Variants in TTN observed in about 807,000 individuals in gnomAD.
TTN encodes connectin.
Under a neutral mutation model 3,223.0 loss-of-function variants are expected in TTN, and 1,525 were observed. The observed-to-expected ratio is 0.47, with a 90% CI of 0.45 to 0.49. TTN has a LOEUF of 0.49. TTN is among the 20% of genes least tolerant of loss of function. TTN has a pLI of 0.00. For synonymous variants in TTN, 14,094 were observed against 15,161.0 expected (o/e 0.93, Z 5.17); for missense variants, 40,786 against 43,424.0 (o/e 0.94, Z 5.40).
Position 178,729,145 on chromosome 2 carries a change from A to T in TTN, c.18893T>A (p.Ile6298Lys). The T allele has an allele frequency of 6.9e-6, 11 of 1,590,620 alleles. No individual in the cohort carries two copies. The highest frequency in any genetic ancestry group is 9.4e-6 in the Non-Finnish European group (11 of 1,168,934). ...TTTCAAAACAGTAGTGGTATTTTCT[A>T]TCTTCTTAATGAATGATGGTGGTTC... ...LKEPPSFIKKIENTTTVLKSS... is the reference protein window; with the variant it reads ...LKEPPSFIKKKENTTTVLKSS... The change falls in exon 65 of 363, where the codon ATA (isoleucine) becomes AAA (lysine). Residue 6298 changes from isoleucine (I) to lysine (K), a missense_variant. By Grantham distance (102) the Ile-to-Lys change is moderately radical. Coordinates refer to ENST00000589042, the MANE Select transcript of TTN (RefSeq NM_001267550.2).
chr2:178,571,377 G>A lies in TTN; in HGVS notation c.74755C>T (p.Leu24919=). The A allele has an allele frequency of 6.2e-7, 1 of 1,613,398 alleles. No homozygotes were observed. The highest frequency in any genetic ancestry group is 8.5e-7 in the Non-Finnish European group (1 of 1,179,566). Reference sequence around the variant, plus strand: ...ACTTCCATGCTGTCCCTGGAGGACAGTGTGACAACTGGAGTGCCAGGAGGA... The same window carrying A: ...ACTTCCATGCTGTCCCTGGAGGACAATGTGACAACTGGAGTGCCAGGAGGA... The part of the protein sequence containing the change: ...PGPPGTPVVT[L]SSRDSMEVQW... The change falls in exon 326 of 363, where the codon CTG becomes TTG. Residue 24919 remains leucine (L), a synonymous_variant. Coordinates refer to ENST00000589042, the MANE Select transcript of TTN (RefSeq NM_001267550.2).
At chr2:178,538,211 T>C (rs1692550780) in intron 354 of TTN, 1 of 470,964 alleles carries the variant, frequency 2.1e-6, no homozygotes, top group Admixed American at 3.8e-5. Context: ...AATTCTGTAG[T>C]ATTCTTGCCC....
At position 178,576,407 on chromosome 2, in the gene TTN, C is replaced by T. The variant is rs1292885710; in HGVS notation, c.69725G>A (p.Gly23242Glu). ...AGTGACATGCGGATTTGAAGGTGGT[C>T]CTGGAGGATCTGAGAAAGAAACAAA... ...VLMKDAAYPP[G>E]PPSNPHVTDT... The change falls in exon 326 of 363, where the codon GGA becomes GAA. Residue 23242 changes from glycine to glutamate, a missense_variant. Coordinates refer to ENST00000589042, the MANE Select transcript of TTN (RefSeq NM_001267550.2). The surrounding 1 kb of genome is among the most constrained non-coding windows in gnomAD (Gnocchi z 4.3). The T allele has an allele frequency of 1.3e-6, 2 of 1,573,154 alleles. No individual in the cohort carries two copies. The highest frequency in any genetic ancestry group is 8.6e-7 in the Non-Finnish European group (1 of 1,167,038).
At chr2:178,631,497 T>A (rs2059796085) in intron 236 of TTN, among the ~76,000 whole-genome samples, 197 bp from the exon 237 acceptor site, 1 of 152,096 alleles carries the variant, frequency 6.6e-6, no homozygotes, top group South Asian at 2.1e-4. Flanking sequence ...TTTATCAAGA[T>A]CTAATCCATT....
At chr2:178,585,446 A>AT (rs1024974970) in intron 308 of TTN, 99 bp from the exon 309 acceptor site, 430 of 1,286,640 alleles carry the variant, frequency 3.3e-4, no homozygotes, top group African/African-American at 8.1e-4. Context: ...ATTACCACCA[A>AT]TTTTTTTTAA....
chr2:178,585,465 T>C, intron 308 of TTN, 118 bp from the exon 309 acceptor site: 1 of 1,125,560 alleles, frequency 8.9e-7, no homozygotes, highest in Admixed American at 2.7e-5. Context: ...AATATATACT[T>C]TAAGTTCTGG....
chr2:178,729,978 A>G (rs777075075), intron 62 of TTN, 33 bp from the exon 63 acceptor site: 7 of 1,600,688 alleles, frequency 4.4e-6, no homozygotes, highest in Non-Finnish European at 5.1e-6. Context: ...GATGTTGAAT[A>G]TTTTTAAAAA....
chr2:178,669,063 A>C (rs1372481356), intron 159 of TTN, among the ~76,000 whole-genome samples: 8 of 152,154 alleles, frequency 5.3e-5, no homozygotes, highest in Non-Finnish European at 1.2e-4. Context: ...TTACTTCATG[A>C]TCTGAGAAAA....
At chr2:178,802,115 T>C (rs370089010) in intron 3 of TTN, 23 bp downstream of exon 3, 6 of 1,613,704 alleles carry the variant, frequency 3.7e-6, no homozygotes, top group Non-Finnish European at 5.1e-6. Context: ...GAGCAGAGGA[T>C]TGGCAGGTCC....
chr2:178,751,099 C>G, intron 47 of TTN: 1 of 1,612,862 alleles, frequency 6.2e-7, no homozygotes, highest in Non-Finnish European at 8.5e-7. Context: ...GCACAATACT[C>G]TCAGCTGAAT....
rs772189154 is a variant in TTN, at chr2:178,529,954, A to C, written c.106531+6T>G. The C allele has an allele frequency of 6.3e-7, 1 of 1,585,058 alleles. No individual in the cohort carries two copies. The highest frequency in any genetic ancestry group is 8.5e-7 in the Non-Finnish European group (1 of 1,172,908). The stretch of plus-strand genomic sequence containing the variant: ...GAAATGTGGGTAAAAACAAAAGCCA[A>C]CCTACCTTTTATTGTTAATTTGCAG... On this transcript the variant is annotated splice_donor_region_variant and intron_variant, in intron 359 of 362. Transcript: ENST00000589042.
chr2:178,712,065 A>G lies in TTN; in HGVS notation c.27765T>C (p.Phe9255=). 9.3e-6 allele frequency: 15 copies of G among 1,613,804 alleles called. No homozygotes were observed. Among genetic ancestry groups the G allele is most frequent in the Non-Finnish European group, 1.2e-5 (14 of 1,179,764 alleles). The change falls in exon 96 of 363, where the codon TTT becomes TTC. Residue 9255 remains phenylalanine, a synonymous_variant. Transcript: ENST00000589042. ...AAACCAGTGTAGCAACATTATTCCTAAAATGCATTTTGTAAGTCGTAGTGG... is the reference window on the plus strand; with the variant it reads ...AAACCAGTGTAGCAACATTATTCCTGAAATGCATTTTGTAAGTCGTAGTGG... The part of the protein sequence containing the change: ...LRPTTTYKMH[F]RNNVATLVFN...
rs1693673513 is a variant in TTN, at chr2:178,540,048, CA to C, written c.98098+19del. 6.3e-7 allele frequency: 1 copy of C among 1,594,748 alleles called. No individual in the cohort carries two copies. Among genetic ancestry groups the C allele is most frequent in the Admixed American group, 1.7e-5 (1 of 58,778 alleles). ...AGTCTATGGCAATTATTGCAGAAAG[CA>C]AATGATCATATGTCTCACCAAGCAT... is the stretch of plus-strand genomic sequence containing the variant. On this transcript the variant is annotated intron_variant, in intron 351 of 362. Transcript: ENST00000589042.
chr2:178,674,260 A>G, intron 151 of TTN, 54 bp downstream of exon 151: 1 of 1,050,604 alleles, frequency 9.5e-7, no homozygotes, highest in East Asian at 2.6e-5. Flanking sequence ...AGCTACTGAG[A>G]AAGATTTGGA....
Position 178,576,965 on chromosome 2 carries a change from C to G in TTN, c.69370G>C (p.Glu23124Gln). 2 of 1,613,462 alleles carry G rather than the reference C, an allele frequency of 1.2e-6. No homozygotes were observed. Among genetic ancestry groups the G allele is most frequent in the Non-Finnish European group, 1.7e-6 (2 of 1,179,562 alleles). Residue 23124 changes from glutamate (E) to glutamine (Q), a missense_variant, in exon 324 of 363, where the codon GAA (glutamate) becomes CAA (glutamine). Coordinates refer to ENST00000589042, the MANE Select transcript of TTN (RefSeq NM_001267550.2). This position sits in a 1 kb window ranked among gnomAD's most constrained non-coding sequence, Gnocchi z 4.3. Reference protein sequence around the residue: ...VSAVNHYGKGEPVQSEPVKMV... With the variant: ...VSAVNHYGKGQPVQSEPVKMV... ...TTGACAGGTTCAGACTGTACAGGTT[C>G]TCCTTTGCCATAGTGGTTTACAGCT...
At position 178,790,743 on chromosome 2, in the gene TTN, T is replaced by C. The variant is rs781493169; in HGVS notation, c.1765A>G (p.Thr589Ala). ...CTTAGGTGCATTTGATCTTGTTGTGTGGTAGTTTCTTCTTGAGCTCCCGGG... is the reference window on the plus strand; with the variant it reads ...CTTAGGTGCATTTGATCTTGTTGTGCGGTAGTTTCTTCTTGAGCTCCCGGG... ...TVPGAQEETT[T>A]QQDQMHLSYE... Residue 589 changes from threonine (T) to alanine (A), a missense_variant, in exon 11 of 363, where the codon ACA (threonine) becomes GCA (alanine). Coordinates refer to ENST00000589042, the MANE Select transcript of TTN (RefSeq NM_001267550.2). The C allele has an allele frequency of 3.1e-6, 5 of 1,614,192 alleles. No homozygotes were observed. The South Asian group carries it at 3.3e-5, about 11-fold the overall frequency.
Position 178,631,228 on chromosome 2 carries a change from C to T in TTN, c.43820G>A (p.Cys14607Tyr), listed in dbSNP as rs781427869. 5.6e-6 allele frequency: 9 copies of T among 1,612,742 alleles called. No homozygotes were observed. In the Admixed American group the frequency reaches 6.7e-5, roughly 12 times the overall value. The part of the protein sequence containing the change: ...GVEKDEVILQ[C>Y]EISKADAPVK... ...TGGTGCATCTGCTTTGCTAATTTCA[C>T]ACTGTAGAATAACTTCATCTTTCTC... Residue 14607 changes from cysteine (C) to tyrosine (Y), a missense_variant, in exon 237 of 363, where the codon TGT becomes TAT. Transcript: ENST00000589042.
chr2:178,693,846 A>C (rs2073055711), intron 118 of TTN, 76 bp downstream of exon 118: 4 of 1,356,668 alleles, frequency 2.9e-6, no homozygotes. Flanking sequence ...CACGATCACA[A>C]ATTAGACAAC....
chr2:178,638,362 GA>G (rs2060774801), intron 223 of TTN, among the ~76,000 whole-genome samples: 1 of 150,078 alleles, frequency 6.7e-6, no homozygotes, highest in South Asian at 2.1e-4. Context: ...ACTAATTATT[GA>G]ATTAATAATC....
Sources: gnomAD v4.1 joint callset for allele counts (sites outside exome capture counted in the v4.1 genomes callset) on GRCh38, gnomAD v4.1.1 for gene constraint, Gnocchi (gnomAD v3.1) non-coding constraint, MANE v1.5 for transcripts, NCBI Gene and HGNC (gene_info 2026-07-23, HGNC 2026-07-21) for gene names.